The following GAPVD1 variants were observed in gnomAD, a reference collection of about 807,000 sequenced individuals.
GAPVD1 encodes GTPase-activating protein and VPS9 domain-containing protein 1.
Under a neutral mutation model 155.5 loss-of-function variants are expected in GAPVD1, and 35 were observed. The observed-to-expected ratio is 0.23, with a 90% confidence interval of 0.17 to 0.30. GAPVD1 has a LOEUF of 0.30. Ranked by LOEUF, GAPVD1 falls within the 10% of genes least tolerant of loss-of-function variation. The pLI, the probability that GAPVD1 is intolerant of heterozygous loss-of-function variation, is 1.00. For missense variants in GAPVD1, 1,429 were observed against 1,775.7 expected, an observed-to-expected ratio of 0.80 and a Z score of 3.51; for synonymous variants, 636 against 619.7, an observed-to-expected ratio of 1.03 and a Z score of -0.39.
chr9:125,312,619 A>G lies in GAPVD1; in HGVS notation c.1602+7A>G. On this transcript the variant is annotated splice_region_variant and intron_variant, in intron 9 of 27. Coordinates refer to ENST00000297933, the MANE Select transcript of GAPVD1 (RefSeq NM_001282680.3). ...GATGATGTCAGAAAATGAGGTATGA[A>G]TCAGTTGCTTCTATAAATCAATATT... 1 of 1,572,922 alleles carries G rather than the reference A, an allele frequency of 6.4e-7. No individual in the cohort carries two copies. The highest frequency in any genetic ancestry group is 8.6e-7 in the Non-Finnish European group (1 of 1,165,814).
rs575083596 is a variant in GAPVD1 at position 125,320,848 on chromosome 9, G to A, written c.1603-585G>A. On this transcript the variant is annotated intron_variant, in intron 9 of 27. Transcript: ENST00000297933. The stretch of plus-strand genomic sequence containing the variant: ...TCACCATGTTAGCCAGCATGGTCTC[G>A]ATCTCCTGACCTCGTGATCTGCCTG... Among the ~76,000 whole-genome samples the A allele has an allele frequency of 1.3e-4, 20 of 152,142 alleles. 1 individual carries two copies. In the South Asian group the frequency reaches 4.2e-3, roughly 32 times the overall value.
chr9:125,343,178 G>A (rs1008232120), intron 19 of GAPVD1, among the ~76,000 whole-genome samples: 4 of 151,426 alleles, frequency 2.6e-5, no homozygotes, highest in African/African-American at 9.7e-5. Context: ...AACAGTATGA[G>A]ATTTATGCAG....
At chr9:125,324,436 C>T (rs1450952702) in intron 11 of GAPVD1, among the ~76,000 whole-genome samples, 2 of 152,084 alleles carry the variant, frequency 1.3e-5, no homozygotes, top group South Asian at 2.1e-4. Flanking sequence ...ACTGAAAATA[C>T]AAAATTAGCC....
chr9:125,356,566 A>G (rs1240382322), intron 25 of GAPVD1, among the ~76,000 whole-genome samples: 1 of 152,126 alleles, frequency 6.6e-6, no homozygotes, highest in African/African-American at 2.4e-5. Context: ...ATCACAGCTC[A>G]CTGAAGCCTC....
At chr9:125,267,979 A>G (rs1332595233) in intron 1 of GAPVD1, among the ~76,000 whole-genome samples, 3 of 152,032 alleles carry the variant, frequency 2.0e-5, no homozygotes, top group Non-Finnish European at 1.5e-5. Context: ...CCTGGCCGAC[A>G]TGATGAAATC....
chr9:125,360,872 G>A, intron 27 of GAPVD1, 147 bp downstream of exon 27: 1 of 643,462 alleles, frequency 1.6e-6, no homozygotes, highest in Non-Finnish European at 2.8e-6. Flanking sequence ...GTCAAGATTT[G>A]TTCTTTTGAG....
At position 125,332,080 on chromosome 9, in the gene GAPVD1, A is replaced by C; in HGVS notation, c.2308+20A>C. 2 of 1,612,870 alleles carry C rather than the reference A, an allele frequency of 1.2e-6. No homozygotes were observed. Among genetic ancestry groups the C allele is most frequent in the Non-Finnish European group, 1.7e-6 (2 of 1,179,116 alleles). On this transcript the variant is annotated intron_variant, in intron 14 of 27. Coordinates refer to ENST00000297933, the MANE Select transcript of GAPVD1 (RefSeq NM_001282680.3). ...TGTCCGGTATGTCTGTCTTGTTTTA[A>C]GGAGTAGGGATTTGAAGGTGTTCAC... is the stretch of plus-strand genomic sequence containing the variant.
chr9:125,358,393 AC>A (rs1419591860), intron 25 of GAPVD1, among the ~76,000 whole-genome samples: 4 of 152,076 alleles, frequency 2.6e-5, no homozygotes, highest in East Asian at 3.9e-4. Context: ...GGCATGAGCC[AC>A]CCCGCCCGGC....
chr9:125,285,502 A>C (rs1837531297), intron 2 of GAPVD1, among the ~76,000 whole-genome samples: 1 of 135,786 alleles, frequency 7.4e-6, no homozygotes, highest in Non-Finnish European at 1.5e-5. Context: ...CTGTTGTCCA[A>C]GCTGGAGTGT....
chr9:125,305,621 G>A (rs1197015088), intron 6 of GAPVD1, among the ~76,000 whole-genome samples: 6 of 151,918 alleles, frequency 3.9e-5, no homozygotes, highest in South Asian at 4.2e-4. Flanking sequence ...CACCTGCCTC[G>A]GCCTCCCAAA....
intron 15 of GAPVD1, chr9:125,335,168 C>A: frequency 1.3e-6 from 1 of 757,316 alleles, no homozygotes. Context: ...CCGTGTGAGG[C>A]CAGATTTTCT....
At position 125,326,496 on chromosome 9, in the gene GAPVD1, A is replaced by AT; in HGVS notation, c.1940dup (p.Ser648IlefsTer6). 1 of 1,607,096 alleles carries AT rather than the reference A, an allele frequency of 6.2e-7. No homozygotes were observed. The highest frequency in any genetic ancestry group is 8.5e-7 in the Non-Finnish European group (1 of 1,173,504). On this transcript the variant is annotated frameshift_variant, in exon 12 of 28. Transcript: ENST00000297933. LOFTEE classifies it high-confidence loss of function. ...GATGGGATTAACAGATGATAGGGAC[A>AT]TATCAGAAACAGTGAGTGAGACCTG...
At chr9:125,283,145 C>T (rs1361597327) in intron 2 of GAPVD1, among the ~76,000 whole-genome samples, 4 of 150,834 alleles carry the variant, frequency 2.7e-5, no homozygotes, top group African/African-American at 9.8e-5. Flanking sequence ...CCACAGCCTC[C>T]GCCTCCCAGG....
At chr9:125,319,887 C>T (rs746522237) in intron 9 of GAPVD1, among the ~76,000 whole-genome samples, 3 of 152,030 alleles carry the variant, frequency 2.0e-5, no homozygotes, top group African/African-American at 7.2e-5. Flanking sequence ...GAGCCGCCAC[C>T]GCTCCCAGCC....
chr9:125,317,682 C>T (rs953262769), intron 9 of GAPVD1, among the ~76,000 whole-genome samples: 22 of 148,938 alleles, frequency 1.5e-4, no homozygotes, highest in Admixed American at 1.5e-3. Flanking sequence ...TGATGAAGCA[C>T]AGACATTGGA....
intron 15 of GAPVD1, among the ~76,000 whole-genome samples, chr9:125,336,250 ATAGTAC>A (rs1214897686): frequency 2.6e-5 from 4 of 151,500 alleles, no homozygotes; most frequent in Non-Finnish European, 5.9e-5. Flanking sequence ...AAAAGGCATA[ATAGTAC>A]TCTCATTCAT....
intron 12 of GAPVD1, among the ~76,000 whole-genome samples, chr9:125,329,798 C>T (rs1209427607): frequency 6.6e-6 from 1 of 152,004 alleles, no homozygotes; most frequent in African/African-American, 2.4e-5. Context: ...TCTTGTGCCT[C>T]AGCTTCCCAA....
intron 2 of GAPVD1, among the ~76,000 whole-genome samples, chr9:125,269,710 C>CTTTTTTTT (rs951306489): frequency 3.8e-5 from 2 of 52,704 alleles, no homozygotes; most frequent in Non-Finnish European, 6.7e-5. Context: ...CCATGCCTGG[C>CTTTTTTTT]TTTTTTTTTT....
In GAPVD1 at chr9:125,362,775, A is replaced by G. The variant is rs910199629; in HGVS notation, c.*29A>G. The G allele has an allele frequency of 1.2e-6, 2 of 1,604,326 alleles. No homozygotes were observed. The highest frequency in any genetic ancestry group is 1.7e-6 in the Non-Finnish European group (2 of 1,174,706). ...AGACCAAGGCCCACCAAGGCAGCAG[A>G]CTGTTAATCAGACAAACAGATCTCT... On this transcript the variant is annotated 3_prime_UTR_variant, in exon 28 of 28. Coordinates refer to ENST00000297933, the MANE Select transcript of GAPVD1 (RefSeq NM_001282680.3).
Sources: gnomAD v4.1 joint callset for allele counts (sites outside exome capture counted in the v4.1 genomes callset) on GRCh38, gnomAD v4.1.1 for gene constraint, MANE v1.5 for transcripts, NCBI Gene and HGNC (gene_info 2026-07-23, HGNC 2026-07-21) for gene names.